Variants in TCF4 observed in about 807,000 individuals in gnomAD.
The protein encoded by TCF4 is transcription factor 4.
TCF4 carries 3 observed loss-of-function variants against 82.1 expected under a neutral mutation model. The observed-to-expected ratio is 0.04, with a 90% confidence interval of 0.02 to 0.09. The LOEUF (loss-of-function observed/expected upper bound fraction) is 0.09. Among genes scored for constraint, TCF4 ranks in the 10% least tolerant of loss-of-function variants. The pLI is 1.00. For missense variants in TCF4, 518 were observed against 852.7 expected (o/e 0.61, Z 4.89); for synonymous variants, 276 against 309.6 (o/e 0.89, Z 1.14).
intron 3 of TCF4, among the ~76,000 whole-genome samples, chr18:55,477,094 G>A (rs747274766): frequency 6.6e-6 from 1 of 152,162 alleles, no homozygotes; most frequent in Non-Finnish European, 1.5e-5. Flanking sequence ...TTGGTCAGAG[G>A]AGTCTGACTG....
intron 3 of TCF4, among the ~76,000 whole-genome samples, chr18:55,539,034 A>G (rs546950136): frequency 6.6e-6 from 1 of 152,184 alleles, no homozygotes; most frequent in South Asian, 2.1e-4. Flanking sequence ...ACGTGCGCGC[A>G]CACACACTCC....
At chr18:55,401,721 G>A in intron 6 of TCF4, 1 of 986,096 alleles carries the variant, frequency 1.0e-6, no homozygotes, top group South Asian at 4.7e-5. Context: ...AAGTTAAGGG[G>A]CCTCACGCTT....
intron 11 of TCF4, chr18:55,269,536 T>C: frequency 2.4e-6 from 1 of 415,654 alleles, no homozygotes; most frequent in Non-Finnish European, 4.6e-6. Flanking sequence ...CTTATGACTT[T>C]GTTCACTCTT....
At chr18:55,562,112 T>C (rs900308641) in intron 3 of TCF4, among the ~76,000 whole-genome samples, 3 of 152,222 alleles carry the variant, frequency 2.0e-5, no homozygotes. Context: ...CATTGGTTTC[T>C]TTGCTGTCTA....
chr18:55,460,326 T>C (rs923004209), intron 5 of TCF4, among the ~76,000 whole-genome samples: 11 of 152,148 alleles, frequency 7.2e-5, no homozygotes, highest in African/African-American at 2.7e-4. Context: ...GAATCATCTT[T>C]TCATTGCTCA....
intron 3 of TCF4, among the ~76,000 whole-genome samples, chr18:55,501,434 T>C (rs2096700362): frequency 6.6e-6 from 1 of 152,190 alleles, no homozygotes; most frequent in Admixed American, 6.5e-5. Flanking sequence ...CAATGGCTTT[T>C]TGACATCTCA....
At chr18:55,395,330 A>G (rs2093424765) in intron 6 of TCF4, among the ~76,000 whole-genome samples, 2 of 152,232 alleles carry the variant, frequency 1.3e-5, no homozygotes, top group Non-Finnish European at 2.9e-5. Flanking sequence ...TCAGAAACAT[A>G]AAGATGAAGA....
chr18:55,619,198 GCT>G (rs1167813229), intron 2 of TCF4, among the ~76,000 whole-genome samples: 3 of 151,896 alleles, frequency 2.0e-5, no homozygotes, highest in Non-Finnish European at 4.4e-5. Flanking sequence ...AAGTACAAAT[GCT>G]CTTTCTTTAA....
At chr18:55,568,627 T>A (rs2097431327) in intron 3 of TCF4, among the ~76,000 whole-genome samples, 1 of 152,064 alleles carries the variant, frequency 6.6e-6, no homozygotes, top group Non-Finnish European at 1.5e-5. Context: ...ATCAGTGGCT[T>A]AAAATCTTCT....
At chr18:55,542,002 G>C (rs1483202025) in intron 3 of TCF4, among the ~76,000 whole-genome samples, 1 of 151,962 alleles carries the variant, frequency 6.6e-6, no homozygotes, top group Non-Finnish European at 1.5e-5. Flanking sequence ...GGATGAATGT[G>C]TTGATAGCTG....
At chr18:55,424,241 C>T (rs1157167695) in intron 5 of TCF4, among the ~76,000 whole-genome samples, 5 of 152,120 alleles carry the variant, frequency 3.3e-5, no homozygotes, top group Admixed American at 3.3e-4. Context: ...TAGCCCCCTC[C>T]AGATTAGTTA....
chr18:55,343,097 A>C (rs986434340), intron 8 of TCF4, among the ~76,000 whole-genome samples: 1 of 152,130 alleles, frequency 6.6e-6, no homozygotes, highest in African/African-American at 2.4e-5. Flanking sequence ...CCTAATGGTA[A>C]CAGTGACACT....
chr18:55,229,021 G>T lies in TCF4; in HGVS notation c.1705C>A (p.Arg569=). ...TCTCGGGCATTGTTGGCCATCCTCC[G>T]CTCCTTCTCACGCTCTGCCTTCTGC... The part of the protein sequence containing the change: ...PEQKAEREKE[R]RMANNARERL... The change falls in exon 18 of 20, where the codon CGG becomes AGG. Residue 569 remains arginine, a synonymous_variant. Coordinates refer to ENST00000354452, the MANE Select transcript of TCF4 (RefSeq NM_001083962.2). 6.2e-7 allele frequency: 1 copy of T among 1,614,118 alleles called. No individual in the cohort carries two copies. Among genetic ancestry groups the T allele is most frequent in the Non-Finnish European group, 8.5e-7 (1 of 1,180,012 alleles).
intron 3 of TCF4, chr18:55,551,820 G>A (rs1198534022): frequency 6.6e-6 from 1 of 152,128 alleles, no homozygotes; most frequent in Non-Finnish European, 1.5e-5. Context: ...GCTCAACTGT[G>A]AGGGAAATAA....
At chr18:55,352,933 G>A (rs1464505762) in intron 6 of TCF4, among the ~76,000 whole-genome samples, 2 of 152,202 alleles carry the variant, frequency 1.3e-5, no homozygotes, top group East Asian at 3.9e-4. Context: ...GTAAATCTAC[G>A]AATGAGTCTT....
chr18:55,578,159 G>A (rs2097545964), intron 3 of TCF4, among the ~76,000 whole-genome samples: 1 of 152,022 alleles, frequency 6.6e-6, no homozygotes, highest in Admixed American at 6.6e-5. Flanking sequence ...CAACTGCCTT[G>A]GCCAAATTAG....
chr18:55,583,328 C>T (rs1603624540), intron 3 of TCF4, among the ~76,000 whole-genome samples: 1 of 151,910 alleles, frequency 6.6e-6, no homozygotes, highest in Non-Finnish European at 1.5e-5. Context: ...CATGCATGAA[C>T]ATATGTGTGT....
At chr18:55,512,803 A>T (rs2096841819) in intron 3 of TCF4, among the ~76,000 whole-genome samples, 1 of 152,192 alleles carries the variant, frequency 6.6e-6, no homozygotes, top group Middle Eastern at 3.2e-3. Flanking sequence ...AAGTTAAAAA[A>T]ATAATTAAAA....
intron 6 of TCF4, among the ~76,000 whole-genome samples, chr18:55,360,296 C>A (rs1321703506): frequency 6.6e-6 from 1 of 152,164 alleles, no homozygotes; most frequent in Non-Finnish European, 1.5e-5. Flanking sequence ...AGGGTCAAAG[C>A]CACAAAAATA....
Sources: gnomAD v4.1 joint callset for allele counts (sites outside exome capture counted in the v4.1 genomes callset) on GRCh38, gnomAD v4.1.1 for gene constraint, MANE v1.5 for transcripts, NCBI Gene and HGNC (gene_info 2026-07-23, HGNC 2026-07-21) for gene names.